SNX29: variants seen among roughly 807,000 people sequenced by gnomAD.
The protein encoded by SNX29 is sorting nexin 29.
A neutral mutation model predicts 102.1 loss-of-function variants in SNX29; 78 were observed. The observed-to-expected ratio is 0.76, with a 90% CI of 0.64 to 0.92. The LOEUF (loss-of-function observed/expected upper bound fraction) is 0.92. Among genes scored for constraint, SNX29 ranks in the 40% least tolerant of loss-of-function variants. SNX29 has a pLI of 0.00. For missense variants in SNX29, 1,280 were observed against 1,061.7 expected (o/e 1.21, Z -2.86); for synonymous variants, 580 against 414.5 (o/e 1.40, Z -4.85).
intron 20 of SNX29, among the ~76,000 whole-genome samples, chr16:12,568,046 C>A (rs1250693139): frequency 6.6e-6 from 1 of 152,172 alleles, no homozygotes; most frequent in Non-Finnish European, 1.5e-5. Context: ...AGCCTAGGGC[C>A]TGATTATTTT....
At chr16:12,401,930 T>C (rs2083961597) in intron 17 of SNX29, among the ~76,000 whole-genome samples, 1 of 152,228 alleles carries the variant, frequency 6.6e-6, no homozygotes, top group Non-Finnish European at 1.5e-5. Flanking sequence ...TAACCCAGGC[T>C]GGGGTAACCT....
chr16:12,032,342 AGATTATAG>A (rs900621444), intron 4 of SNX29, among the ~76,000 whole-genome samples: 4 of 151,294 alleles, frequency 2.6e-5, no homozygotes, highest in Admixed American at 2.6e-4. Flanking sequence ...CAAGTAGCTG[AGATTATAG>A]GCACATGCCA....
chr16:12,314,697 G>T (rs762207207), intron 15 of SNX29, among the ~76,000 whole-genome samples: 2 of 152,204 alleles, frequency 1.3e-5, no homozygotes, highest in African/African-American at 4.8e-5. Context: ...CTACAGCTTG[G>T]TGGATTTTAT....
intron 20 of SNX29, among the ~76,000 whole-genome samples, chr16:12,534,658 T>G (rs376979306): frequency 2.7e-3 from 413 of 152,350 alleles, no homozygotes; most frequent in African/African-American, 9.6e-3. Context: ...AGGAGTTCCC[T>G]GCAGACGGGC....
At chr16:12,491,775 C>G (rs190607414) in intron 19 of SNX29, among the ~76,000 whole-genome samples, 9 of 152,030 alleles carry the variant, frequency 5.9e-5, no homozygotes, top group African/African-American at 1.9e-4. Flanking sequence ...TGAGAACATG[C>G]GGTGTTTGGT....
In SNX29 at chr16:12,534,266, C is replaced by G. The variant is rs896447955; in HGVS notation, c.2318+9425C>G. ...TGTCTGCTCAGTGCCCAAGCACCGCCGGCACACCTGCCGTCTTTCTCCGTG... is the reference window on the plus strand; with the variant it reads ...TGTCTGCTCAGTGCCCAAGCACCGCGGGCACACCTGCCGTCTTTCTCCGTG... On this transcript the variant is annotated intron_variant, in intron 20 of 20. Transcript: ENST00000566228. Among the ~76,000 whole-genome samples, 12 of 152,324 alleles carry G rather than the reference C, an allele frequency of 7.9e-5. No homozygotes were observed. The South Asian group carries it at 1.7e-3, about 21-fold the overall frequency.
At chr16:12,545,387 T>C (rs978017362) in intron 20 of SNX29, 2 of 152,186 alleles carry the variant, frequency 1.3e-5, no homozygotes, top group African/African-American at 4.8e-5. Flanking sequence ...ACAATAGGTG[T>C]ATTGTCCGCT....
intron 9 of SNX29, among the ~76,000 whole-genome samples, chr16:12,067,914 C>G (rs929717007): frequency 5.3e-5 from 8 of 152,206 alleles, no homozygotes; most frequent in African/African-American, 1.4e-4. Flanking sequence ...GAAAATTGTT[C>G]AGGTCCCTAG....
At chr16:12,437,899 T>C (rs1040061404) in intron 18 of SNX29, among the ~76,000 whole-genome samples, 23 of 152,076 alleles carry the variant, frequency 1.5e-4, no homozygotes, top group African/African-American at 5.1e-4. Context: ...CATGCTGGGC[T>C]TGCTGCAGCT....
chr16:12,092,849 C>T (rs1261976517), intron 11 of SNX29, among the ~76,000 whole-genome samples: 1 of 152,202 alleles, frequency 6.6e-6, no homozygotes, highest in African/African-American at 2.4e-5. Context: ...GTCTCCTTTA[C>T]ACATGTGGTG....
rs141677103 is a variant in SNX29, at chr16:11,984,942, A to C, written c.7+8129A>C. Among the ~76,000 whole-genome samples the C allele has an allele frequency of 2.1e-3, 315 of 152,292 alleles. 3 individuals are homozygous for C. Among genetic ancestry groups the C allele is most frequent in the African/African-American group, 7.4e-3 (307 of 41,562 alleles). On this transcript the variant is annotated intron_variant, in intron 1 of 20. Transcript: ENST00000566228. ...AGTGCCAGGATTACAGGTGTGAACCACTGTACCTGGCTTTCCTTCTTTCTT... is the reference window on the plus strand; with the variant it reads ...AGTGCCAGGATTACAGGTGTGAACCCCTGTACCTGGCTTTCCTTCTTTCTT...
chr16:12,557,015 A>ACACCCCCCCCCCCCCCCC lies in SNX29; in HGVS notation c.2319-11490_2319-11489insACCCCCCCCCCCCCCCCC, dbSNP rs66825746. On this transcript the variant is annotated intron_variant, in intron 20 of 20. Transcript: ENST00000566228. The stretch of plus-strand genomic sequence containing the variant: ...GGTACACACCACATCTGGCTAATTT[A>ACACCCCCCCCCCCCCCCC]CCCCCCCCCCGCCCCAAGATGAGGT... Among the ~76,000 whole-genome samples the ACACCCCCCCCCCCCCCCC allele has an allele frequency of 6.0e-4, 19 of 31,838 alleles. 4 individuals carry two copies. Among genetic ancestry groups the ACACCCCCCCCCCCCCCCC allele is most frequent in the Admixed American group, 1.1e-3 (4 of 3,632 alleles). 20.9% of individuals were successfully genotyped at this position (31,838 alleles called of 152,430 possible).
chr16:12,466,501 C>T (rs1057141484), intron 18 of SNX29, among the ~76,000 whole-genome samples: 1 of 152,196 alleles, frequency 6.6e-6, no homozygotes, highest in East Asian at 1.9e-4. Context: ...TTAGTGGCTA[C>T]TACCAGATGA....
At chr16:12,178,545 T>C (rs2076312665) in intron 13 of SNX29, among the ~76,000 whole-genome samples, 1 of 152,184 alleles carries the variant, frequency 6.6e-6, no homozygotes, top group South Asian at 2.1e-4. Flanking sequence ...TGTTCCGTCA[T>C]GGTCCTGGAA....
intron 11 of SNX29, among the ~76,000 whole-genome samples, chr16:12,088,832 TC>T (rs1309076390): frequency 6.6e-6 from 1 of 152,136 alleles, no homozygotes; most frequent in African/African-American, 2.4e-5. Context: ...ATGCCTATAA[TC>T]CCAGCACTTT....
chr16:12,377,572 C>A (rs969519176), intron 16 of SNX29, among the ~76,000 whole-genome samples: 2 of 152,196 alleles, frequency 1.3e-5, no homozygotes, highest in Non-Finnish European at 2.9e-5. Flanking sequence ...CTTGATCACT[C>A]AACGGGTAGG....
chr16:12,195,482 T>G (rs1028200665), intron 13 of SNX29, among the ~76,000 whole-genome samples: 2 of 152,220 alleles, frequency 1.3e-5, no homozygotes, highest in Non-Finnish European at 1.5e-5. Flanking sequence ...CTTACATTTA[T>G]GAGATGCCTA....
intron 19 of SNX29, among the ~76,000 whole-genome samples, chr16:12,501,624 A>C (rs148375845): frequency 6.7e-4 from 98 of 147,248 alleles, no homozygotes; most frequent in African/African-American, 2.4e-3. Flanking sequence ...TGGGAGGCTG[A>C]GGCAGGAGAA....
intron 14 of SNX29, among the ~76,000 whole-genome samples, chr16:12,209,470 A>G (rs1047584671): frequency 1.3e-5 from 2 of 152,180 alleles, no homozygotes; most frequent in Non-Finnish European, 1.5e-5. Flanking sequence ...GATTACAGGC[A>G]TGAGCCACTG....
Sources: gnomAD v4.1 joint callset for allele counts (sites outside exome capture counted in the v4.1 genomes callset) on GRCh38, gnomAD v4.1.1 for gene constraint, MANE v1.5 for transcripts, NCBI Gene and HGNC (gene_info 2026-07-23, HGNC 2026-07-21) for gene names.